TNC: variants seen among roughly 807,000 people sequenced by gnomAD.
The protein encoded by TNC is tenascin C, also known as tenascin.
In TNC, 109 loss-of-function variants were observed where a neutral mutation model predicts 202.4. The observed-to-expected ratio is 0.54, with a 90% CI of 0.46 to 0.63. The LOEUF (loss-of-function observed/expected upper bound fraction) is 0.63, where lower values mean the gene tolerates loss of function less well. TNC is among the 30% of genes least tolerant of loss of function. TNC has a pLI of 0.00. For missense variants in TNC, 2,756 were observed against 2,833.3 expected (o/e 0.97, Z 0.62); for synonymous variants, 1,007 against 1,089.7 (o/e 0.92, Z 1.50).
chr9:115,072,680 T>G (rs1333803493), intron 10 of TNC, among the ~76,000 whole-genome samples: 1 of 152,046 alleles, frequency 6.6e-6, no homozygotes, highest in African/African-American at 2.4e-5. Flanking sequence ...CACAAATGAG[T>G]CCACATAACA....
At position 115,086,391 on chromosome 9, in the gene TNC, C is replaced by T. The variant is rs199883345; in HGVS notation, c.1340G>A (p.Gly447Asp). The T allele has an allele frequency of 1.9e-6, 3 of 1,614,130 alleles. No individual in the cohort carries two copies. Among genetic ancestry groups the T allele is most frequent in the African/African-American group, 1.3e-5 (1 of 75,060 alleles). ...TACACATTTGCCCTCGACACAGCGG[C>T]CCCGACTGTGACAGTCATTGGGGCA... ...LRCPNDCHSR[G>D]RCVEGKCVCE... Residue 447 changes from glycine (G) to aspartate (D), a missense_variant, in exon 3 of 28, where the codon GGC becomes GAC. Physicochemically the swap from Gly to Asp is moderately conservative, Grantham distance 94. Coordinates refer to ENST00000350763, the MANE Select transcript of TNC (RefSeq NM_002160.4).
chr9:115,028,938 AAAAAAAAAAAAAAAAAAAAAAAAAG>A (rs1408295485), intron 25 of TNC, among the ~76,000 whole-genome samples: 18 of 34,488 alleles, frequency 5.2e-4, no homozygotes, highest in Admixed American at 1.5e-3. Flanking sequence ...AAAAAAAAAA[AAAAAAAAAAAAAAAAAAAAAAAAAG>A]AAAGTCATGG....
At chr9:115,091,377 A>G (rs1309126912) in intron 1 of TNC, among the ~76,000 whole-genome samples, 1 of 152,266 alleles carries the variant, frequency 6.6e-6, no homozygotes, top group Non-Finnish European at 1.5e-5. Context: ...TTAAGGAGAC[A>G]GAAAAATAGA....
At position 115,047,240 on chromosome 9, in the gene TNC, C is replaced by CTTTTT. The variant is rs397975455; in HGVS notation, c.4853-563_4853-559dup. On this transcript the variant is annotated intron_variant, in intron 16 of 27. Transcript: ENST00000350763. ...CACTAAAGAAGGCTCCTACCCTTGACTTTTTTTTTTTTTTTTTGCATTCTT... is the reference window on the plus strand; with the variant it reads ...CACTAAAGAAGGCTCCTACCCTTGACTTTTTTTTTTTTTTTTTTTTTTGCATTCTT... Among the ~76,000 whole-genome samples the CTTTTT allele has an allele frequency of 4.7e-5, 5 of 107,214 alleles. No individual in the cohort carries two copies. The Admixed American group carries it at 4.7e-4, about 10-fold the overall frequency. 70.3% of individuals were successfully genotyped at this position (107,214 alleles called of 152,430 possible).
At chr9:115,027,957 C>G (rs1829641165) in intron 25 of TNC, among the ~76,000 whole-genome samples, 1 of 152,148 alleles carries the variant, frequency 6.6e-6, no homozygotes, top group African/African-American at 2.4e-5. Flanking sequence ...AACCCCTTAA[C>G]TGAGGGATTT....
At chr9:115,108,621 T>A (rs1836798722) in intron 1 of TNC, among the ~76,000 whole-genome samples, 1 of 152,236 alleles carries the variant, frequency 6.6e-6, no homozygotes, top group African/African-American at 2.4e-5. Context: ...TAAGTTTATG[T>A]GATTCCTTTT....
chr9:115,027,685 A>T (rs1390548526), intron 25 of TNC, among the ~76,000 whole-genome samples: 4 of 152,190 alleles, frequency 2.6e-5, no homozygotes, highest in Non-Finnish European at 5.9e-5. Context: ...AATATGATAA[A>T]CATTTTCTGG....
intron 18 of TNC, among the ~76,000 whole-genome samples, chr9:115,041,754 T>C (rs1316308977): frequency 6.6e-6 from 1 of 152,194 alleles, no homozygotes; most frequent in Non-Finnish European, 1.5e-5. Context: ...GCTTCCTCCT[T>C]GTGGTCTCTA....
At chr9:115,106,634 C>G (rs994292043) in intron 1 of TNC, among the ~76,000 whole-genome samples, 3 of 152,018 alleles carry the variant, frequency 2.0e-5, no homozygotes, top group Non-Finnish European at 4.4e-5. Flanking sequence ...TTGAGTCTGA[C>G]CTGAAGAGAA....
At chr9:115,042,767 T>C (rs1301474890) in intron 17 of TNC, among the ~76,000 whole-genome samples, 2 of 152,224 alleles carry the variant, frequency 1.3e-5, no homozygotes, top group Non-Finnish European at 2.9e-5. Context: ...AATCCTCCTG[T>C]AGAAGCCCCC....
chr9:115,041,317 A>G (rs971555379), intron 18 of TNC, among the ~76,000 whole-genome samples: 21 of 130,334 alleles, frequency 1.6e-4, no homozygotes, highest in Non-Finnish European at 2.4e-4. Flanking sequence ...GGCGGGGGAA[A>G]ACATGAAGTC....
chr9:115,040,363 A>G (rs898240930), intron 19 of TNC, among the ~76,000 whole-genome samples: 1 of 152,230 alleles, frequency 6.6e-6, no homozygotes, highest in Non-Finnish European at 1.5e-5. Context: ...AAGAGCCACC[A>G]AATAGAGAGG....
intron 9 of TNC, among the ~76,000 whole-genome samples, chr9:115,074,350 G>T (rs1378069520): frequency 1.3e-5 from 2 of 152,176 alleles, no homozygotes; most frequent in Non-Finnish European, 2.9e-5. Context: ...AATGGGAGTG[G>T]TGCCCTTATA....
At chr9:115,021,310 C>A in intron 27 of TNC, 43 bp from the exon 28 acceptor site, 1 of 1,420,190 alleles carries the variant, frequency 7.0e-7, no homozygotes, top group South Asian at 1.2e-5. Context: ...AGAGAGAAGG[C>A]CTCCAGGTTG....
intron 19 of TNC, among the ~76,000 whole-genome samples, chr9:115,038,792 CCTTTT>C (rs1191109322): frequency 5.9e-5 from 9 of 152,178 alleles, no homozygotes; most frequent in Non-Finnish European, 7.4e-5. Flanking sequence ...ACTGCCCGAG[CCTTTT>C]CTTTTCTTTT....
chr9:115,027,365 G>A (rs551943050), intron 25 of TNC, among the ~76,000 whole-genome samples: 112 of 151,952 alleles, frequency 7.4e-4, no homozygotes, highest in East Asian at 4.9e-3. Context: ...CAAGGTGGGC[G>A]GATCATCTGA....
rs1174066886 is a variant in TNC, at chr9:115,111,399, C to CTCTTTTTTTTTTTTTTTTT, written c.-137+6582_-137+6583insAAAAAAAAAAAAAAAAAGA. Among the ~76,000 whole-genome samples the CTCTTTTTTTTTTTTTTTTT allele has an allele frequency of 8.4e-5, 6 of 71,342 alleles. 1 individual carries two copies. The highest frequency in any genetic ancestry group is 3.6e-4 in the African/African-American group (6 of 16,616). The allele number at this position is 71,342 out of a possible 152,430, so 46.8% of individuals were successfully genotyped here. ...GCTTATAGACTTTCTCTCTCTCTCTCTTTTTTTTTTTTTTTTTTTTTTTTT... is the reference window on the plus strand; with the variant it reads ...GCTTATAGACTTTCTCTCTCTCTCTCTCTTTTTTTTTTTTTTTTTTTTTTTTTTTTTTTTTTTTTTTTTT... On this transcript the variant is annotated intron_variant, in intron 1 of 27. Transcript: ENST00000350763.
Position 115,086,471 on chromosome 9 carries a change from A to C in TNC, c.1260T>G (p.Asn420Lys). 1 of 1,612,492 alleles carries C rather than the reference A, an allele frequency of 6.2e-7. No individual in the cohort carries two copies. The highest frequency in any genetic ancestry group is 8.5e-7 in the Non-Finnish European group (1 of 1,179,646). Residue 420 changes from asparagine to lysine, a missense_variant, in exon 3 of 28, where the codon AAT (asparagine) becomes AAG (lysine). Around this residue, in one of 2 missense-constraint regions of TNC, gnomAD observed 2,559 missense variants for 2,546.0 expected, o/e 1.01. Transcript: ENST00000350763. ...AGCCCTCATCACACACACACTGCCC[A>C]TTGACACAGCGGCCATGGCCACTGC... ...NGCSGHGRCV[N>K]GQCVCDEGYT...
chr9:115,060,101 G>T, intron 13 of TNC, 99 bp from the exon 14 acceptor site: 2 of 1,313,018 alleles, frequency 1.5e-6, no homozygotes, highest in Non-Finnish European at 1.0e-6. Context: ...AAAGGGGAAA[G>T]ATAATTTTTT....
Sources: allele counts gnomAD v4.1 joint callset (sites outside exome capture counted in the v4.1 genomes callset), GRCh38; gene constraint gnomAD v4.1.1; regional missense constraint gnomAD v4.1.1; transcripts MANE v1.5; gene names NCBI Gene and HGNC (gene_info 2026-07-23, HGNC 2026-07-21).